The following CHRM2 variants were observed in gnomAD, a reference collection of about 807,000 sequenced individuals.
CHRM2 encodes the protein muscarinic acetylcholine receptor M2.
CHRM2 carries 8 observed loss-of-function variants against 25.0 expected under a neutral mutation model. That is an observed-to-expected ratio of 0.32 (90% CI 0.19 to 0.58). The LOEUF (loss-of-function observed/expected upper bound fraction) is 0.58, where lower values mean the gene tolerates loss of function less well. Ranked by LOEUF, CHRM2 falls within the 20% of genes least tolerant of loss-of-function variation. CHRM2 has a pLI of 0.88. For missense variants in CHRM2, 440 were observed against 567.1 expected, an observed-to-expected ratio of 0.78 and a Z score of 2.28; for synonymous variants, 202 against 205.7, an observed-to-expected ratio of 0.98 and a Z score of 0.15.
intron 2 of CHRM2, among the ~76,000 whole-genome samples, chr7:136,896,198 T>C (rs1420786083): frequency 6.6e-6 from 1 of 151,860 alleles, no homozygotes; most frequent in Non-Finnish European, 1.5e-5. Context: ...CATCTGAAAA[T>C]GAGGGGGTAG....
At chr7:136,959,181 C>T (rs1800911929) in intron 2 of CHRM2, among the ~76,000 whole-genome samples, 1 of 152,168 alleles carries the variant, frequency 6.6e-6, no homozygotes, top group South Asian at 2.1e-4. Context: ...TAGATACATC[C>T]TTCAATTAAA....
chr7:136,987,428 A>G (rs969544766), intron 2 of CHRM2, among the ~76,000 whole-genome samples: 17 of 152,352 alleles, frequency 1.1e-4, no homozygotes, highest in African/African-American at 2.6e-4. Flanking sequence ...TCCTCTCACC[A>G]TTAAAATCAG....
intron 3 of CHRM2, among the ~76,000 whole-genome samples, chr7:137,005,323 T>C (rs746432890): frequency 3.9e-4 from 60 of 152,266 alleles, no homozygotes; most frequent in Middle Eastern, 3.4e-3. Flanking sequence ...CAGCCTTAAG[T>C]AGAGACATGC....
chr7:136,946,473 T>C (rs995351561), intron 2 of CHRM2, among the ~76,000 whole-genome samples: 2 of 152,146 alleles, frequency 1.3e-5, no homozygotes, highest in African/African-American at 2.4e-5. Flanking sequence ...TTCAGAAAAG[T>C]GTAATTTTAT....
At chr7:137,004,646 G>A (rs1804298353) in intron 3 of CHRM2, among the ~76,000 whole-genome samples, 1 of 152,130 alleles carries the variant, frequency 6.6e-6, no homozygotes, top group African/African-American at 2.4e-5. Flanking sequence ...TTCATTTCAA[G>A]CAGTCTGGAG....
chr7:136,968,478 A>G (rs1801554148), intron 2 of CHRM2, among the ~76,000 whole-genome samples: 1 of 151,898 alleles, frequency 6.6e-6, no homozygotes, highest in Non-Finnish European at 1.5e-5. Context: ...AGGTTCCTCA[A>G]AAAACTAAAA....
At position 136,937,329 on chromosome 7, in the gene CHRM2, A is replaced by G. The variant is rs534066970; in HGVS notation, c.-124-54858A>G. 9.9e-5 allele frequency among the ~76,000 whole-genome samples: 15 copies of G among 152,252 alleles called. No individual in the cohort carries two copies. In the South Asian group the frequency reaches 3.1e-3, roughly 32 times the overall value. ...TCACTCTAATTATTATATTTAAACA[A>G]GAAGTCAAACTGAATGTAAGAATTA... On this transcript the variant is annotated intron_variant, in intron 2 of 3. Transcript: ENST00000680005.
chr7:136,935,854 T>G (rs948580170), intron 2 of CHRM2, among the ~76,000 whole-genome samples: 3 of 152,146 alleles, frequency 2.0e-5, no homozygotes, highest in African/African-American at 7.2e-5. Context: ...TGGAAATCTT[T>G]TCTTTCCTGA....
chr7:136,985,219 C>G (rs181431223), intron 2 of CHRM2, among the ~76,000 whole-genome samples: 1 of 152,040 alleles, frequency 6.6e-6, no homozygotes, highest in South Asian at 2.1e-4. Context: ...AAAGATTACT[C>G]GAGTTAATTT....
At chr7:136,961,693 CAT>C (rs1801093713) in intron 2 of CHRM2, among the ~76,000 whole-genome samples, 1 of 90,854 alleles carries the variant, frequency 1.1e-5, no homozygotes, top group Non-Finnish European at 3.3e-5. Context: ...AATTCTCAAA[CAT>C]TTTTTAAACT....
intron 2 of CHRM2, among the ~76,000 whole-genome samples, chr7:136,930,625 C>T (rs554049557): frequency 7.3e-4 from 110 of 151,256 alleles, no homozygotes; most frequent in South Asian, 3.8e-3. Context: ...ATGCCAGGCG[C>T]GGTGGCTCAT....
chr7:136,979,252 G>C (rs1453969517), intron 2 of CHRM2, among the ~76,000 whole-genome samples: 1 of 152,160 alleles, frequency 6.6e-6, no homozygotes, highest in African/African-American at 2.4e-5. Flanking sequence ...GTCTTCTTTT[G>C]AAAAGTGTCT....
intron 2 of CHRM2, among the ~76,000 whole-genome samples, chr7:136,942,803 G>A (rs1390916074): frequency 6.6e-6 from 1 of 151,868 alleles, no homozygotes; most frequent in Non-Finnish European, 1.5e-5. Flanking sequence ...CACTCACTGG[G>A]GTGGCCACAG....
intron 2 of CHRM2, among the ~76,000 whole-genome samples, chr7:136,952,975 T>C (rs1800506254): frequency 6.6e-6 from 1 of 152,184 alleles, no homozygotes; most frequent in Admixed American, 6.6e-5. Flanking sequence ...ATTCAGTCTA[T>C]CATTATGGGC....
chr7:136,984,102 C>A (rs1802676945), intron 2 of CHRM2, among the ~76,000 whole-genome samples: 1 of 152,226 alleles, frequency 6.6e-6, no homozygotes, highest in Non-Finnish European at 1.5e-5. Flanking sequence ...AACCCCCTGA[C>A]TGGGGCTGCT....
intron 2 of CHRM2, among the ~76,000 whole-genome samples, chr7:136,948,792 C>CGAG (rs1563084123): frequency 6.6e-6 from 1 of 152,168 alleles, no homozygotes; most frequent in Non-Finnish European, 1.5e-5. Context: ...AGAAATGAGT[C>CGAG]TTCTCTTCCA....
Position 136,913,468 on chromosome 7 carries a change from T to G in CHRM2, c.-125+44050T>G, listed in dbSNP as rs1797950330. On this transcript the variant is annotated intron_variant, in intron 2 of 3. Transcript: ENST00000680005. ...TCCTCTAGTTTTGAGGAGATATTTC[T>G]TCTCAGCTTACATCCACAGCAAATA... Among the ~76,000 whole-genome samples the G allele has an allele frequency of 2.0e-5, 3 of 151,956 alleles. No individual in the cohort carries two copies. The South Asian group carries it at 6.2e-4, about 31-fold the overall frequency.
intron 2 of CHRM2, among the ~76,000 whole-genome samples, chr7:136,976,863 C>A (rs1191294597): frequency 1.3e-5 from 2 of 152,160 alleles, no homozygotes; most frequent in African/African-American, 2.4e-5. Context: ...GTCCCCGGTG[C>A]TCTAACTAAT....
Position 136,977,813 on chromosome 7 carries a change from G to C in CHRM2, c.-124-14374G>C, listed in dbSNP as rs1001718848. Among the ~76,000 whole-genome samples, 37 of 152,082 alleles carry C rather than the reference G, an allele frequency of 2.4e-4. 1 individual carries two copies. Among genetic ancestry groups the C allele is most frequent in the Middle Eastern group, 3.2e-3 (1 of 316 alleles). Reference sequence around the variant, plus strand: ...GACCTACCCATAAATTCTTTACCAAGGCCAATGTCCAGAATGGTATTTCCT... The same window carrying C: ...GACCTACCCATAAATTCTTTACCAACGCCAATGTCCAGAATGGTATTTCCT... On this transcript the variant is annotated intron_variant, in intron 2 of 3. Coordinates refer to ENST00000680005, the MANE Select transcript of CHRM2 (RefSeq NM_001006630.2).
Sources: gnomAD v4.1 joint callset for allele counts (sites outside exome capture counted in the v4.1 genomes callset) on GRCh38, gnomAD v4.1.1 for gene constraint, MANE v1.5 for transcripts, NCBI Gene and HGNC (gene_info 2026-07-23, HGNC 2026-07-21) for gene names.